MTHFD1L: variants seen among roughly 807,000 people sequenced by gnomAD.
MTHFD1L encodes monofunctional C1-tetrahydrofolate synthase, mitochondrial.
In MTHFD1L, 81 loss-of-function variants were observed where a neutral mutation model predicts 119.5. That is an observed-to-expected ratio of 0.68 (90% CI 0.57 to 0.82). The LOEUF (loss-of-function observed/expected upper bound fraction) is 0.82, where lower values mean the gene tolerates loss of function less well. MTHFD1L is among the 40% of genes least tolerant of loss of function. The pLI is 0.00. For synonymous variants in MTHFD1L, 430 were observed against 475.2 expected (o/e 0.90, Z 1.24); for missense variants, 1,125 against 1,253.4 (o/e 0.90, Z 1.55).
intron 15 of MTHFD1L, among the ~76,000 whole-genome samples, chr6:150,947,744 G>A (rs1165274238): frequency 6.6e-6 from 1 of 152,086 alleles, no homozygotes; most frequent in East Asian, 1.9e-4. Flanking sequence ...AGCAGTTTAT[G>A]TCTCTTCTGA....
chr6:150,996,928 A>G (rs951866661), intron 20 of MTHFD1L, among the ~76,000 whole-genome samples: 2 of 152,124 alleles, frequency 1.3e-5, no homozygotes, highest in African/African-American at 4.8e-5. Context: ...GCGGTGGAGA[A>G]AGCTGGGAAA....
intron 1 of MTHFD1L, among the ~76,000 whole-genome samples, chr6:150,871,343 A>G (rs1057045474): frequency 2.7e-5 from 4 of 148,950 alleles, no homozygotes; most frequent in Admixed American, 6.8e-5. Flanking sequence ...TATTGATGGA[A>G]CTCTTCCTTT....
At chr6:150,978,638 A>G (rs1776984712) in intron 20 of MTHFD1L, among the ~76,000 whole-genome samples, 1 of 152,198 alleles carries the variant, frequency 6.6e-6, no homozygotes, top group African/African-American at 2.4e-5. Flanking sequence ...AGCCTTGTTA[A>G]TATTTTCATT....
chr6:151,050,150 T>G (rs1788793085), intron 26 of MTHFD1L, among the ~76,000 whole-genome samples: 1 of 152,150 alleles, frequency 6.6e-6, no homozygotes, highest in South Asian at 2.1e-4. Flanking sequence ...ATGTGTCCTT[T>G]GCAATATCTT....
chr6:150,978,960 C>T (rs1348263385), intron 20 of MTHFD1L, among the ~76,000 whole-genome samples: 1 of 152,140 alleles, frequency 6.6e-6, no homozygotes, highest in Admixed American at 6.5e-5. Flanking sequence ...ATAATTTTAG[C>T]TGGGCGCAGT....
intron 27 of MTHFD1L, among the ~76,000 whole-genome samples, chr6:151,092,875 A>G (rs1284923093): frequency 2.0e-5 from 3 of 152,270 alleles, no homozygotes; most frequent in Middle Eastern, 3.4e-3. Context: ...AGCATCTCTG[A>G]CCATAACAGA....
intron 27 of MTHFD1L, among the ~76,000 whole-genome samples, chr6:151,096,524 A>G (rs528336170): frequency 2.0e-5 from 3 of 152,212 alleles, no homozygotes; most frequent in Non-Finnish European, 4.4e-5. Context: ...CACTATAGCC[A>G]TCAGGGACCA....
rs1473944012 is a variant in MTHFD1L at position 151,039,561 on chromosome 6, A to T, written c.2847+2444A>T. On this transcript the variant is annotated intron_variant, in intron 26 of 27. Transcript: ENST00000367321. This position sits in a 1 kb window ranked among gnomAD's most constrained non-coding sequence, Gnocchi z 4.4. ...ATGCCACTGTGCCAGGCCTGTGTATAATTTAATTATACCTCAGTTAACAAA... is the reference window on the plus strand; with the variant it reads ...ATGCCACTGTGCCAGGCCTGTGTATTATTTAATTATACCTCAGTTAACAAA... Among the ~76,000 whole-genome samples, 2 of 152,114 alleles carry T rather than the reference A, an allele frequency of 1.3e-5. No individual in the cohort carries two copies. Among genetic ancestry groups the T allele is most frequent in the Non-Finnish European group, 2.9e-5 (2 of 68,018 alleles).
intron 17 of MTHFD1L, among the ~76,000 whole-genome samples, chr6:150,957,979 A>G (rs925236987): frequency 6.6e-6 from 1 of 152,128 alleles, no homozygotes; most frequent in African/African-American, 2.4e-5. Context: ...TAGGTACTGG[A>G]GAGATGGAAG....
At chr6:151,020,884 G>A (rs1238394649) in intron 24 of MTHFD1L, among the ~76,000 whole-genome samples, 8 of 152,258 alleles carry the variant, frequency 5.3e-5, no homozygotes, top group Admixed American at 4.6e-4. Context: ...ATCTACATGC[G>A]CACTTTATTA....
At chr6:151,000,335 CAA>C (rs946814251) in intron 20 of MTHFD1L, among the ~76,000 whole-genome samples, 33 of 75,268 alleles carry the variant, frequency 4.4e-4, no homozygotes, top group African/African-American at 2.7e-4. Flanking sequence ...GACTCTGTCT[CAA>C]AAAAAAAAAA....
chr6:150,936,518 A>G (rs1001771999), intron 11 of MTHFD1L, among the ~76,000 whole-genome samples: 7 of 152,120 alleles, frequency 4.6e-5, no homozygotes, highest in African/African-American at 1.7e-4. Flanking sequence ...AATTATTTAA[A>G]CCATTTTGAT....
intron 19 of MTHFD1L, among the ~76,000 whole-genome samples, chr6:150,967,533 A>C (rs1360860736): frequency 1.3e-5 from 2 of 152,146 alleles, no homozygotes; most frequent in Non-Finnish European, 2.9e-5. Context: ...GGTGGGGAAA[A>C]GCCATTTCAA....
At chr6:151,077,790 G>A (rs987961856) in intron 26 of MTHFD1L, among the ~76,000 whole-genome samples, 2 of 152,136 alleles carry the variant, frequency 1.3e-5, no homozygotes, top group Non-Finnish European at 1.5e-5. Context: ...ATGGCCAGGC[G>A]CGGTGGCTCA....
rs191291555 is a variant in MTHFD1L at position 150,953,407 on chromosome 6, A to G, written c.1727-2588A>G. ...CCACACCCACTGGCATTGTCCTAGC[A>G]TGCCTTACATAAGAGGCTGGCACTG... On this transcript the variant is annotated intron_variant, in intron 16 of 27. Transcript: ENST00000367321. 1.3e-3 allele frequency among the ~76,000 whole-genome samples: 204 copies of G among 152,292 alleles called. 1 individual carries two copies. Among genetic ancestry groups the G allele is most frequent in the South Asian group, 2.9e-3 (14 of 4,820 alleles).
chr6:151,011,731 C>T (rs947610838), intron 21 of MTHFD1L, among the ~76,000 whole-genome samples: 1 of 152,110 alleles, frequency 6.6e-6, no homozygotes, highest in Non-Finnish European at 1.5e-5. Context: ...TAACATGGAA[C>T]AGGGTTAGTA....
At chr6:150,954,608 G>C (rs1321232460) in intron 16 of MTHFD1L, among the ~76,000 whole-genome samples, 2 of 151,964 alleles carry the variant, frequency 1.3e-5, no homozygotes, top group African/African-American at 4.8e-5. Context: ...AGAATCGCTT[G>C]ATCCCAGGAG....
At chr6:151,037,164 G>T (rs779737628) in intron 26 of MTHFD1L, 47 bp downstream of exon 26, 4 of 1,597,310 alleles carry the variant, frequency 2.5e-6, no homozygotes, top group African/African-American at 1.3e-5. Context: ...CTGCATTGCT[G>T]TGGTGCCTCA....
rs189943172 is a variant in MTHFD1L at position 150,927,364 on chromosome 6, A to G, written c.1256+1069A>G. On this transcript the variant is annotated intron_variant, in intron 11 of 27. Transcript: ENST00000367321. ...GTAAGCAACCTGATTATTCAAGCAT[A>G]TGTGGCATACTGAGCTCCATGTGAG... Among the ~76,000 whole-genome samples, 6 of 151,806 alleles carry G rather than the reference A, an allele frequency of 4.0e-5. No individual in the cohort carries two copies. The East Asian group carries it at 7.8e-4, about 20-fold the overall frequency.
Sources: gnomAD v4.1 joint callset for allele counts (sites outside exome capture counted in the v4.1 genomes callset) on GRCh38, gnomAD v4.1.1 for gene constraint, Gnocchi (gnomAD v3.1) non-coding constraint, MANE v1.5 for transcripts, NCBI Gene and HGNC (gene_info 2026-07-23, HGNC 2026-07-21) for gene names.